Variants in PROS1 observed in about 807,000 individuals in gnomAD.
PROS1 encodes the protein protein S, also known as vitamin K-dependent protein S.
In PROS1, 29 loss-of-function variants were observed where a neutral mutation model predicts 75.9. The ratio of observed to expected loss-of-function variants is 0.38; its 90% CI spans 0.28 to 0.52. The LOEUF (loss-of-function observed/expected upper bound fraction) is 0.52. Ranked by LOEUF, PROS1 falls within the 20% of genes least tolerant of loss-of-function variation. The probability of loss-of-function intolerance (pLI) is 0.83; values close to 1 mark genes in which losing one functional copy is unlikely to be tolerated. For synonymous variants in PROS1, 245 were observed against 280.6 expected, an observed-to-expected ratio of 0.87 and a Z score of 1.27; for missense variants, 680 against 810.3, an observed-to-expected ratio of 0.84 and a Z score of 1.95.
At chr3:93,943,605 C>G (rs966060892) in intron 1 of PROS1, among the ~76,000 whole-genome samples, 1 of 152,012 alleles carries the variant, frequency 6.6e-6, no homozygotes, top group African/African-American at 2.4e-5. Context: ...CTCCATACCA[C>G]CCCCCCAAAA....
chr3:93,937,624 C>T (rs1472263895), intron 1 of PROS1, among the ~76,000 whole-genome samples: 2 of 152,100 alleles, frequency 1.3e-5, no homozygotes, highest in Non-Finnish European at 2.9e-5. Context: ...ACCTCAGCCT[C>T]CCAAAGTACT....
intron 6 of PROS1, among the ~76,000 whole-genome samples, chr3:93,901,985 T>TC (rs1489867358): frequency 6.6e-6 from 1 of 152,180 alleles, no homozygotes; most frequent in Non-Finnish European, 1.5e-5. Flanking sequence ...TGAGCAACAG[T>TC]GGGACACTGT....
At chr3:93,943,169 C>T (rs1362653601) in intron 1 of PROS1, among the ~76,000 whole-genome samples, 1 of 152,130 alleles carries the variant, frequency 6.6e-6, no homozygotes, top group Non-Finnish European at 1.5e-5. Context: ...CCCTTACCAA[C>T]CTCAATCTTT....
chr3:93,884,764 G>A lies in PROS1; in HGVS notation c.1456C>T (p.Pro486Ser), dbSNP rs1381434548. 5.6e-6 allele frequency: 9 copies of A among 1,613,726 alleles called. No homozygotes were observed. The highest frequency in any genetic ancestry group is 7.6e-6 in the Non-Finnish European group (9 of 1,179,900). The change falls in exon 12 of 15, where the codon CCT (proline) becomes TCT (serine). Residue 486 changes from proline to serine, a missense_variant. Coordinates refer to ENST00000394236, the MANE Select transcript of PROS1 (RefSeq NM_000313.4). ...TGAAATTGAGCAATTCCAGAACCAG[G>A]ATAGTAGGAGCCCTTCTCCACAGTA... is the stretch of plus-strand genomic sequence containing the variant. ...LVTVEKGSYYPGSGIAQFHID... is the reference protein window; with the variant it reads ...LVTVEKGSYYSGSGIAQFHID...
intron 10 of PROS1, among the ~76,000 whole-genome samples, chr3:93,888,020 C>G (rs530561460): frequency 2.0e-4 from 30 of 152,322 alleles, no homozygotes; most frequent in Non-Finnish European, 3.2e-4. Flanking sequence ...TTCTTAAAAT[C>G]TTTTGAACAT....
chr3:93,959,788 T>C (rs1385277632), intron 1 of PROS1, among the ~76,000 whole-genome samples: 1 of 152,216 alleles, frequency 6.6e-6, no homozygotes, highest in Non-Finnish European at 1.5e-5. Flanking sequence ...TCAAGCTTCT[T>C]TTCAAGGTAA....
chr3:93,884,777 C>T lies in PROS1; in HGVS notation c.1443G>A (p.Lys481=). The T allele has an allele frequency of 6.2e-7, 1 of 1,613,842 alleles. No homozygotes were observed. Among genetic ancestry groups the T allele is most frequent in the Non-Finnish European group, 8.5e-7 (1 of 1,179,882 alleles). ...TTCCAGAACCAGGATAGTAGGAGCC[C>T]TTCTCCACAGTAACCAGGCAATGCT... is the stretch of plus-strand genomic sequence containing the variant. ...QNKHCLVTVE[K]GSYYPGSGIA... Residue 481 remains lysine (K), a synonymous_variant, in exon 12 of 15, where the codon AAG becomes AAA. Coordinates refer to ENST00000394236, the MANE Select transcript of PROS1 (RefSeq NM_000313.4).
chr3:93,944,133 A>G (rs901824455), intron 1 of PROS1, among the ~76,000 whole-genome samples: 4 of 152,212 alleles, frequency 2.6e-5, no homozygotes, highest in African/African-American at 9.6e-5. Context: ...AAAATAATAA[A>G]TGTACAGAGA....
chr3:93,913,848 C>A (rs578127440), intron 3 of PROS1, among the ~76,000 whole-genome samples: 1 of 152,278 alleles, frequency 6.6e-6, no homozygotes, highest in East Asian at 1.9e-4. Flanking sequence ...GCAATTCCCA[C>A]CAGCTATGAG....
chr3:93,970,203 G>A (rs1709856055), intron 1 of PROS1, among the ~76,000 whole-genome samples: 3 of 152,194 alleles, frequency 2.0e-5, no homozygotes, highest in South Asian at 2.1e-4. Flanking sequence ...AGTGTCTAGA[G>A]TAGCCTGCAC....
At chr3:93,942,223 G>A (rs551452026) in intron 1 of PROS1, among the ~76,000 whole-genome samples, 17 of 152,070 alleles carry the variant, frequency 1.1e-4, no homozygotes, top group East Asian at 3.9e-4. Context: ...CTCCCTCTCC[G>A]CAAGCCGAAC....
intron 1 of PROS1, among the ~76,000 whole-genome samples, chr3:93,938,835 C>T (rs573758792): frequency 7.8e-4 from 118 of 152,172 alleles, no homozygotes; most frequent in African/African-American, 2.7e-3. Context: ...TCCATTGTTG[C>T]CTGATCACCA....
At chr3:93,916,474 GA>G (rs1708850963) in intron 3 of PROS1, among the ~76,000 whole-genome samples, 1 of 152,124 alleles carries the variant, frequency 6.6e-6, no homozygotes, top group South Asian at 2.1e-4. Context: ...TAATATTCAT[GA>G]TAATAATTTC....
At chr3:93,971,073 G>A (rs916401751) in intron 1 of PROS1, among the ~76,000 whole-genome samples, 21 of 152,014 alleles carry the variant, frequency 1.4e-4, no homozygotes, top group Non-Finnish European at 3.1e-4. Context: ...TGGATAAGGT[G>A]GCTCACTCCT....
chr3:93,971,889 C>T (rs1324370070), intron 1 of PROS1, among the ~76,000 whole-genome samples: 3 of 152,098 alleles, frequency 2.0e-5, no homozygotes, highest in Non-Finnish European at 4.4e-5. Flanking sequence ...CATAAGTAAA[C>T]CACAGATGAC....
Position 93,874,375 on chromosome 3 carries a change from G to T in PROS1, c.1901C>A (p.Ala634Asp). The T allele has an allele frequency of 6.2e-7, 1 of 1,613,386 alleles. No individual in the cohort carries two copies. Among genetic ancestry groups the T allele is most frequent in the Non-Finnish European group, 8.5e-7 (1 of 1,179,496 alleles). ...DVPFSATPVNAFYNGCMEVNI... is the reference protein window; with the variant it reads ...DVPFSATPVNDFYNGCMEVNI... ...CACTTCCATGCAGCCATTATAAAAGGCATTCACTGGTGTGGCACTGAATGG... is the reference window on the plus strand; with the variant it reads ...CACTTCCATGCAGCCATTATAAAAGTCATTCACTGGTGTGGCACTGAATGG... The change falls in exon 15 of 15, where the codon GCC becomes GAC. Residue 634 changes from alanine (A) to aspartate (D), a missense_variant. Transcript: ENST00000394236.
intron 2 of PROS1, among the ~76,000 whole-genome samples, chr3:93,925,555 C>A (rs1709003814): frequency 6.6e-6 from 1 of 151,892 alleles, no homozygotes; most frequent in South Asian, 2.1e-4. Flanking sequence ...GGGGGTGGGG[C>A]AGAGGGATCA....
chr3:93,954,978 C>T (rs919527053), intron 1 of PROS1, among the ~76,000 whole-genome samples: 1 of 152,176 alleles, frequency 6.6e-6, no homozygotes, highest in Non-Finnish European at 1.5e-5. Context: ...ATGAAAAATG[C>T]TCATCATCAC....
chr3:93,907,142 G>A (rs1255908744), intron 4 of PROS1, among the ~76,000 whole-genome samples: 1 of 152,238 alleles, frequency 6.6e-6, no homozygotes, highest in African/African-American at 2.4e-5. Flanking sequence ...TGACTGATGG[G>A]GGAACACTGG....
Sources: allele counts gnomAD v4.1 joint callset (sites outside exome capture counted in the v4.1 genomes callset), GRCh38; gene constraint gnomAD v4.1.1; transcripts MANE v1.5; gene names NCBI Gene and HGNC (gene_info 2026-07-23, HGNC 2026-07-21).